The following MYO16 variants were observed in gnomAD, a reference collection of about 807,000 sequenced individuals.
The protein encoded by MYO16 is myosin XVI.
In MYO16, 94 loss-of-function variants were observed where a neutral mutation model predicts 205.3. The ratio of observed to expected loss-of-function variants is 0.46; its 90% confidence interval spans 0.39 to 0.54. The LOEUF (loss-of-function observed/expected upper bound fraction) is 0.54. Ranked by LOEUF, MYO16 falls within the 20% of genes least tolerant of loss-of-function variation. The pLI, the probability that MYO16 is intolerant of heterozygous loss-of-function variation, is 0.00. For missense variants in MYO16, 2,315 were observed against 2,387.5 expected (o/e 0.97, Z 0.63); for synonymous variants, 988 against 954.0 (o/e 1.04, Z -0.66).
Position 108,770,197 on chromosome 13 carries a change from A to C in MYO16, c.508-15438A>C, listed in dbSNP as rs562856722. On this transcript the variant is annotated intron_variant, in intron 4 of 34. Coordinates refer to ENST00000457511, the MANE Select transcript of MYO16 (RefSeq NM_001198950.3). ...ATGCACTCAATAAATATTTTCAATA[A>C]ATGAATATGCATTGAATGCTTACAG... Among the ~76,000 whole-genome samples, 5 of 152,318 alleles carry C rather than the reference A, an allele frequency of 3.3e-5. No homozygotes were observed. In the East Asian group the frequency reaches 9.6e-4, roughly 29 times the overall value.
the MYO16 span, among the ~76,000 whole-genome samples, chr13:108,538,146 T>G: frequency 6.4e-4 from 98 of 152,202 alleles, no homozygotes; most frequent in Non-Finnish European, 8.8e-4. Context: ...TCTTTTTCTA[T>G]TAGCACAAAA....
intron 2 of MYO16, among the ~76,000 whole-genome samples, chr13:108,704,938 CAAA>C (rs111486703): frequency 2.8e-5 from 4 of 142,692 alleles, no homozygotes; most frequent in Admixed American, 7.0e-5. Context: ...GCTAAACTGA[CAAA>C]AAAAAAAACA....
At chr13:108,953,574 T>G (rs1481119544) in intron 16 of MYO16, among the ~76,000 whole-genome samples, 1 of 152,020 alleles carries the variant, frequency 6.6e-6, no homozygotes, top group Admixed American at 6.6e-5. Context: ...GTTTTGTTTT[T>G]TTTTTTTTAG....
rs181734514 is a variant in MYO16 at position 108,749,172 on chromosome 13, A to T, written c.507+21589A>T. On this transcript the variant is annotated intron_variant, in intron 4 of 34. Coordinates refer to ENST00000457511, the MANE Select transcript of MYO16 (RefSeq NM_001198950.3). ...AAACTTATTATTTTTTGCAGTGAGA[A>T]CACTGAAAATATTAGCAATCCTCAA... 1.6e-3 allele frequency among the ~76,000 whole-genome samples: 240 copies of T among 151,960 alleles called. 6 individuals carry two copies. Among genetic ancestry groups the T allele is most frequent in the Non-Finnish European group, 1.7e-3 (113 of 67,898 alleles).
At chr13:109,101,177 A>G (rs1382686261) in intron 28 of MYO16, 1 of 289,766 alleles carries the variant, frequency 3.5e-6, no homozygotes, top group Non-Finnish European at 6.8e-6. Flanking sequence ...CCTTGTCAGT[A>G]AAGCATTTTG....
intron 4 of MYO16, among the ~76,000 whole-genome samples, chr13:108,749,360 T>C (rs1885157961): frequency 6.6e-6 from 1 of 152,190 alleles, no homozygotes; most frequent in African/African-American, 2.4e-5. Flanking sequence ...TCTGTTCCTA[T>C]GAATTTATCT....
chr13:108,637,634 G>C (rs1406341107), intron 1 of MYO16, among the ~76,000 whole-genome samples: 1 of 152,088 alleles, frequency 6.6e-6, no homozygotes, highest in African/African-American at 2.4e-5. Flanking sequence ...CAGCACTTTG[G>C]GAGGCCAAGG....
chr13:108,556,846 T>C, the MYO16 span, among the ~76,000 whole-genome samples: 2 of 152,222 alleles, frequency 1.3e-5, no homozygotes, highest in Non-Finnish European at 2.9e-5. Flanking sequence ...TTCATTCTTC[T>C]GCATATGGAT....
At chr13:108,637,192 C>T (rs1216027322) in intron 1 of MYO16, among the ~76,000 whole-genome samples, 3 of 152,190 alleles carry the variant, frequency 2.0e-5, no homozygotes, top group African/African-American at 7.2e-5. Context: ...TCATGGGCTG[C>T]TGGTGTACTG....
At chr13:108,504,471 C>T in the MYO16 span, among the ~76,000 whole-genome samples, 19 of 151,608 alleles carry the variant, frequency 1.3e-4, no homozygotes, top group Admixed American at 6.6e-4. Flanking sequence ...AACTCTACAC[C>T]CATTGAACAA....
At chr13:108,516,439 C>T in the MYO16 span, among the ~76,000 whole-genome samples, 9 of 152,140 alleles carry the variant, frequency 5.9e-5, no homozygotes, top group Non-Finnish European at 8.8e-5. Context: ...CCGTCTTCTG[C>T]GTCGCTCACG....
chr13:108,689,093 T>A (rs9559382), intron 2 of MYO16, among the ~76,000 whole-genome samples: 35,223 of 152,120 alleles, frequency 0.23, 4,784 homozygotes, highest in Non-Finnish European at 0.31. Context: ...AAACTATTGC[T>A]GTAAAATACT....
chr13:108,774,730 G>A (rs982077249), intron 4 of MYO16, among the ~76,000 whole-genome samples: 3 of 152,136 alleles, frequency 2.0e-5, no homozygotes, highest in East Asian at 3.9e-4. Context: ...GTGATTAGAT[G>A]TAAGAATATA....
At chr13:108,529,029 A>C in the MYO16 span, among the ~76,000 whole-genome samples, 1 of 152,008 alleles carries the variant, frequency 6.6e-6, no homozygotes, top group South Asian at 2.1e-4. Flanking sequence ...TACATTTCCA[A>C]ATCTTTCAGA....
At chr13:108,898,459 G>A (rs1248239481) in intron 15 of MYO16, among the ~76,000 whole-genome samples, 1 of 150,840 alleles carries the variant, frequency 6.6e-6, no homozygotes, top group African/African-American at 2.4e-5. Context: ...TCAAATGCAA[G>A]CTGAACCTTT....
chr13:108,549,409 G>A, the MYO16 span, among the ~76,000 whole-genome samples: 456 of 88,110 alleles, frequency 5.2e-3, 5 homozygotes, highest in African/African-American at 0.012. Flanking sequence ...TGCTGACACC[G>A]TTTCTGTATT....
intron 33 of MYO16, among the ~76,000 whole-genome samples, chr13:109,165,824 T>C (rs1212653387): frequency 6.6e-6 from 1 of 152,184 alleles, no homozygotes; most frequent in Non-Finnish European, 1.5e-5. Flanking sequence ...TCTGACTGCC[T>C]TCTCAAATTA....
chr13:109,028,312 A>G (rs1482443125), intron 23 of MYO16: 3 of 231,416 alleles, frequency 1.3e-5, no homozygotes, highest in East Asian at 3.1e-4. Flanking sequence ...AGTATTAAAT[A>G]CAGAAAATTG....
intron 4 of MYO16, among the ~76,000 whole-genome samples, chr13:108,771,843 A>G (rs1885976147): frequency 6.6e-6 from 1 of 151,986 alleles, no homozygotes; most frequent in African/African-American, 2.4e-5. Flanking sequence ...TTTTTGTATA[A>G]CTGTGACTAC....
Sources: gnomAD v4.1 joint callset for allele counts (sites outside exome capture counted in the v4.1 genomes callset) on GRCh38, gnomAD v4.1.1 for gene constraint, MANE v1.5 for transcripts, NCBI Gene and HGNC (gene_info 2026-07-23, HGNC 2026-07-21) for gene names.